The following PTPRD variants were observed in gnomAD, a reference collection of about 807,000 sequenced individuals.
The protein encoded by PTPRD is receptor-type tyrosine-protein phosphatase delta.
In PTPRD, 34 loss-of-function variants were observed where a neutral mutation model predicts 214.5. The ratio of observed to expected loss-of-function variants is 0.16; its 90% confidence interval spans 0.12 to 0.21. The LOEUF (loss-of-function observed/expected upper bound fraction) is 0.21. Among genes scored for constraint, PTPRD ranks in the 10% least tolerant of loss-of-function variants. The pLI is 1.00. For missense variants in PTPRD, 2,545 were observed against 2,398.7 expected, an observed-to-expected ratio of 1.06 and a Z score of -1.27; for synonymous variants, 1,128 against 845.7, an observed-to-expected ratio of 1.33 and a Z score of -5.79.
At chr9:9,078,139 AG>A (rs2099753859) in intron 10 of PTPRD, among the ~76,000 whole-genome samples, 1 of 152,256 alleles carries the variant, frequency 6.6e-6, no homozygotes. Context: ...AATACAAAAA[AG>A]AACCCATAAA....
intron 8 of PTPRD, among the ~76,000 whole-genome samples, chr9:9,563,769 G>T (rs189653166): frequency 6.7e-4 from 102 of 152,190 alleles, no homozygotes; most frequent in African/African-American, 2.1e-3. Context: ...TAATACATTG[G>T]TATGCCCAAG....
chr9:10,087,874 T>A (rs2098373814), intron 3 of PTPRD, among the ~76,000 whole-genome samples: 1 of 151,752 alleles, frequency 6.6e-6, no homozygotes, highest in African/African-American at 2.4e-5. Flanking sequence ...AAAGTTTATA[T>A]GATTCAATGT....
intron 9 of PTPRD, among the ~76,000 whole-genome samples, chr9:9,342,370 T>A (rs1157980272): frequency 6.6e-6 from 1 of 152,132 alleles, no homozygotes; most frequent in South Asian, 2.1e-4. Flanking sequence ...TTGTATACTA[T>A]TTTTTGTTTA....
At position 10,501,837 on chromosome 9, in the gene PTPRD, G is replaced by A. The variant is rs117403963; in HGVS notation, c.-600+110561C>T. On this transcript the variant is annotated intron_variant, in intron 2 of 45. Coordinates refer to ENST00000381196, the MANE Select transcript of PTPRD (RefSeq NM_002839.4). ...CAAATTCAACACAGAAGGTATAGAC[G>A]AATGCTTCTCAATTCTGGAAGCACA... Among the ~76,000 whole-genome samples, 81 of 151,956 alleles carry A rather than the reference G, an allele frequency of 5.3e-4. 1 individual carries two copies. In the East Asian group the frequency reaches 0.015, roughly 27 times the overall value.
At chr9:9,815,483 G>A (rs2048466203) in intron 5 of PTPRD, among the ~76,000 whole-genome samples, 1 of 151,940 alleles carries the variant, frequency 6.6e-6, no homozygotes, top group Admixed American at 6.6e-5. Flanking sequence ...GACACCGAAA[G>A]CAAAGTCAAC....
chr9:9,650,993 T>A (rs1252787721), intron 7 of PTPRD, among the ~76,000 whole-genome samples: 1 of 152,054 alleles, frequency 6.6e-6, no homozygotes, highest in African/African-American at 2.4e-5. Context: ...ATTATACAAA[T>A]AATTTATCTT....
chr9:9,700,317 G>C (rs1430669897), intron 7 of PTPRD, among the ~76,000 whole-genome samples: 1 of 152,020 alleles, frequency 6.6e-6, no homozygotes, highest in Non-Finnish European at 1.5e-5. Context: ...CATTCTGGCA[G>C]TATTAGAGAA....
chr9:9,058,441 GGTTTTTT>G (rs2099700350), intron 10 of PTPRD, among the ~76,000 whole-genome samples: 1 of 53,332 alleles, frequency 1.9e-5, no homozygotes, highest in Admixed American at 3.2e-4. Flanking sequence ...ATATTATGAG[GGTTTTTT>G]TTTTTTTTTT....
chr9:10,598,917 A>G (rs570139987), intron 2 of PTPRD, among the ~76,000 whole-genome samples: 1 of 151,766 alleles, frequency 6.6e-6, no homozygotes, highest in South Asian at 2.1e-4. Context: ...GGTAAAACAG[A>G]GAATACAAAC....
At chr9:9,442,803 G>C (rs1335352458) in intron 8 of PTPRD, among the ~76,000 whole-genome samples, 2 of 152,054 alleles carry the variant, frequency 1.3e-5, no homozygotes, top group African/African-American at 2.4e-5. Flanking sequence ...TAATGTTTCT[G>C]TTTAGTGTTT....
chr9:9,539,785 AG>A (rs751010366), intron 8 of PTPRD, among the ~76,000 whole-genome samples: 1 of 151,924 alleles, frequency 6.6e-6, no homozygotes, highest in Non-Finnish European at 1.5e-5. Context: ...TTCAGCATAT[AG>A]GAAAAGCATT....
At chr9:9,632,747 T>A (rs2095632769) in intron 7 of PTPRD, among the ~76,000 whole-genome samples, 1 of 152,098 alleles carries the variant, frequency 6.6e-6, no homozygotes, top group Non-Finnish European at 1.5e-5. Context: ...TGACAAACTA[T>A]AAAATAAATG....
intron 9 of PTPRD, among the ~76,000 whole-genome samples, chr9:9,249,074 G>C (rs1045317025): frequency 6.6e-6 from 1 of 152,062 alleles, no homozygotes; most frequent in African/African-American, 2.4e-5. Context: ...AGTGGGAGGT[G>C]TTTGGGTAGT....
chr9:9,978,743 C>T (rs529725017), intron 4 of PTPRD, among the ~76,000 whole-genome samples: 89 of 110,252 alleles, frequency 8.1e-4, no homozygotes, highest in African/African-American at 3.6e-3. Context: ...CCAAGAAGCT[C>T]GAAAAACCAA....
Position 9,467,588 on chromosome 9 carries a change from C to CAAAAAAAAAAAAAAAAAAAAAAAAAAAA in PTPRD, c.-236-70107_-236-70106insTTTTTTTTTTTTTTTTTTTTTTTTTTTT, listed in dbSNP as rs1176159031. The stretch of plus-strand genomic sequence containing the variant: ...GGCGACAGAGCGGGACTCCATCTCC[C>CAAAAAAAAAAAAAAAAAAAAAAAAAAAA]AAAAAAAAAAAAAAAAAAAAAAGTT... On this transcript the variant is annotated intron_variant, in intron 8 of 45. Coordinates refer to ENST00000381196, the MANE Select transcript of PTPRD (RefSeq NM_002839.4). Among the ~76,000 whole-genome samples, 5 of 55,952 alleles carry CAAAAAAAAAAAAAAAAAAAAAAAAAAAA rather than the reference C, an allele frequency of 8.9e-5. 2 individuals are homozygous for CAAAAAAAAAAAAAAAAAAAAAAAAAAAA. Among genetic ancestry groups the CAAAAAAAAAAAAAAAAAAAAAAAAAAAA allele is most frequent in the Non-Finnish European group, 1.6e-4 (5 of 31,160 alleles). 36.7% of individuals were successfully genotyped at this position (55,952 alleles called of 152,430 possible). A position where few individuals can be genotyped will look rare whatever the true frequency, so the allele number is the denominator to read the frequency against.
At chr9:8,914,530 T>A (rs545475597) in intron 11 of PTPRD, among the ~76,000 whole-genome samples, 5 of 152,156 alleles carry the variant, frequency 3.3e-5, no homozygotes, top group Non-Finnish European at 5.9e-5. Context: ...GTGATAGGGG[T>A]CGAGATAAAT....
intron 5 of PTPRD, among the ~76,000 whole-genome samples, chr9:9,917,083 T>C (rs998815685): frequency 1.4e-5 from 2 of 144,484 alleles, no homozygotes; most frequent in African/African-American, 2.6e-5. Context: ...CAAGTATATA[T>C]CAATAAATGT....
chr9:8,441,094 A>G (rs888843666), intron 34 of PTPRD, among the ~76,000 whole-genome samples: 1 of 152,188 alleles, frequency 6.6e-6, no homozygotes, highest in Non-Finnish European at 1.5e-5. Context: ...AAGAGGGCTA[A>G]GTATCATATA....
intron 9 of PTPRD, among the ~76,000 whole-genome samples, chr9:9,256,585 T>C (rs1471105099): frequency 6.6e-6 from 1 of 151,952 alleles, no homozygotes; most frequent in East Asian, 2.0e-4. Flanking sequence ...CTTCAACCAA[T>C]GTTTGGCAGA....
Sources: allele counts gnomAD v4.1 joint callset (sites outside exome capture counted in the v4.1 genomes callset), GRCh38; gene constraint gnomAD v4.1.1; transcripts MANE v1.5; gene names NCBI Gene and HGNC (gene_info 2026-07-23, HGNC 2026-07-21).